Variants in TMEM120B observed in about 807,000 individuals in gnomAD.
TMEM120B encodes transmembrane protein 120B.
A neutral mutation model predicts 55.5 loss-of-function variants in TMEM120B; 31 were observed. The ratio of observed to expected loss-of-function variants is 0.56; its 90% CI spans 0.42 to 0.75. The LOEUF (loss-of-function observed/expected upper bound fraction) is 0.75. Ranked by LOEUF, TMEM120B falls within the 30% of genes least tolerant of loss-of-function variation. TMEM120B has a pLI of 0.00. For missense variants in TMEM120B, 399 were observed against 425.5 expected (o/e 0.94, Z 0.55); for synonymous variants, 203 against 176.3 (o/e 1.15, Z -1.20).
At chr12:121,738,870 G>C (rs1872833582) in intron 1 of TMEM120B, among the ~76,000 whole-genome samples, 1 of 152,092 alleles carries the variant, frequency 6.6e-6, no homozygotes, top group Non-Finnish European at 1.5e-5. Context: ...CATTCTTCCA[G>C]ACAACTGGAC....
chr12:121,769,667 C>T (rs990179319), intron 6 of TMEM120B, among the ~76,000 whole-genome samples: 8 of 151,860 alleles, frequency 5.3e-5, no homozygotes, highest in African/African-American at 1.9e-4. Flanking sequence ...TGCACCACTG[C>T]ACTCCAGACA....
At chr12:121,729,239 T>C (rs1402953393) in intron 1 of TMEM120B, among the ~76,000 whole-genome samples, 6 of 152,220 alleles carry the variant, frequency 3.9e-5, no homozygotes, top group Admixed American at 1.3e-4. Flanking sequence ...CTTGGAGGCT[T>C]GCAGTGCCTC....
intron 5 of TMEM120B, among the ~76,000 whole-genome samples, chr12:121,754,862 G>A (rs778096379): frequency 6.6e-6 from 1 of 152,154 alleles, no homozygotes; most frequent in East Asian, 1.9e-4. Context: ...TGGACGGGCC[G>A]TTCATCTCTG....
At chr12:121,769,494 C>T (rs567855769) in intron 6 of TMEM120B, among the ~76,000 whole-genome samples, 1 of 152,174 alleles carries the variant, frequency 6.6e-6, no homozygotes, top group South Asian at 2.1e-4. Flanking sequence ...TTGCTTGAGC[C>T]CAGGAATTTG....
At chr12:121,755,383 TTTGGAGGCTTTGGTGAGGCAGCAGGAGAG>T (rs1417043712) in intron 5 of TMEM120B, among the ~76,000 whole-genome samples, 2 of 152,126 alleles carry the variant, frequency 1.3e-5, no homozygotes, top group Non-Finnish European at 2.9e-5. Flanking sequence ...TCCTTGGGCG[TTTGGAGGCTTTGGTGAGGCAGCAGGAGAG>T]TTGGAAGCCT....
chr12:121,768,181 T>A (rs914046170), intron 6 of TMEM120B, among the ~76,000 whole-genome samples: 3 of 152,172 alleles, frequency 2.0e-5, no homozygotes, highest in African/African-American at 7.2e-5. Context: ...CATCTCACCC[T>A]GTCCCCATGA....
At chr12:121,752,031 G>A in intron 4 of TMEM120B, 97 bp from the exon 5 acceptor site, 1 of 989,440 alleles carries the variant, frequency 1.0e-6, no homozygotes, top group Non-Finnish European at 1.6e-6. Context: ...CCATGGCAGT[G>A]GCTGAAGGAC....
chr12:121,776,921 G>A lies in TMEM120B; in HGVS notation c.*1199G>A, dbSNP rs1874266660. 6.6e-6 allele frequency: 1 copy of A among 151,314 alleles called. No individual in the cohort carries two copies. The highest frequency in any genetic ancestry group is 2.1e-4 in the South Asian group (1 of 4,792). The allele number at this position is 151,314 out of a possible 1,614,324, so 9.4% of individuals were successfully genotyped here. A position where few individuals can be genotyped will look rare whatever the true frequency, so the allele number is the denominator to read the frequency against. ...TCCCACCTCAGCCTCTGGAGTAGCT[G>A]GGACCACAATCACACACCACCATGC... On this transcript the variant is annotated 3_prime_UTR_variant, in exon 12 of 12. Coordinates refer to ENST00000449592, the MANE Select transcript of TMEM120B (RefSeq NM_001080825.2).
intron 5 of TMEM120B, among the ~76,000 whole-genome samples, chr12:121,760,378 CCTGGGGT>C (rs58924969): frequency 0.085 from 12,993 of 152,088 alleles, 989 homozygotes; most frequent in African/African-American, 0.2. Context: ...TGCCCTTTGA[CCTGGGGT>C]CTTATATGCT....
intron 1 of TMEM120B, among the ~76,000 whole-genome samples, chr12:121,733,409 T>G (rs1286105919): frequency 6.6e-6 from 1 of 151,896 alleles, no homozygotes; most frequent in Non-Finnish European, 1.5e-5. Flanking sequence ...CATGCCTGGC[T>G]AATTTTTTGT....
chr12:121,718,430 C>T lies in TMEM120B; in HGVS notation c.69+5466C>T, dbSNP rs535648382. Among the ~76,000 whole-genome samples the T allele has an allele frequency of 4.6e-5, 7 of 152,272 alleles. No individual in the cohort carries two copies. The South Asian group carries it at 1.2e-3, about 27-fold the overall frequency. The stretch of plus-strand genomic sequence containing the variant: ...CTGAGGCTGAAGAATCGCTTGAACC[C>T]AGAAGGCGGAGGTTGCAGTGAGCCA... On this transcript the variant is annotated intron_variant, in intron 1 of 11. Coordinates refer to ENST00000449592, the MANE Select transcript of TMEM120B (RefSeq NM_001080825.2).
At chr12:121,723,964 T>C (rs1440932889) in intron 1 of TMEM120B, among the ~76,000 whole-genome samples, 1 of 151,562 alleles carries the variant, frequency 6.6e-6, no homozygotes, top group Non-Finnish European at 1.5e-5. Flanking sequence ...CCATGCCAGT[T>C]ATAATTAAAT....
At chr12:121,721,323 C>T (rs1018690530) in intron 1 of TMEM120B, among the ~76,000 whole-genome samples, 1 of 152,074 alleles carries the variant, frequency 6.6e-6, no homozygotes, top group Non-Finnish European at 1.5e-5. Context: ...GGACTACAGG[C>T]ACACACCACC....
Position 121,779,194 on chromosome 12 carries a change from C to T in TMEM120B, c.*3472C>T. Reference sequence around the variant, plus strand: ...ATAGACTTTTTCATTTCAAGCATAACTTGAGTCTGCACTGGGGAGACACTC... The same window carrying T: ...ATAGACTTTTTCATTTCAAGCATAATTTGAGTCTGCACTGGGGAGACACTC... On this transcript the variant is annotated 3_prime_UTR_variant, in exon 12 of 12. Transcript: ENST00000449592. The T allele has an allele frequency of 2.4e-6, 1 of 410,932 alleles. No individual in the cohort carries two copies. Among genetic ancestry groups the T allele is most frequent in the Non-Finnish European group, 4.5e-6 (1 of 221,372 alleles). The allele number at this position is 410,932 out of a possible 1,614,324, so 25.5% of individuals were successfully genotyped here.
At chr12:121,735,330 A>G (rs1393922228) in intron 1 of TMEM120B, among the ~76,000 whole-genome samples, 4 of 152,196 alleles carry the variant, frequency 2.6e-5, no homozygotes, top group Non-Finnish European at 5.9e-5. Flanking sequence ...CTGTATAAAA[A>G]CAAACATTAA....
At chr12:121,743,820 A>G in intron 2 of TMEM120B, 73 bp downstream of exon 2, 1 of 1,107,850 alleles carries the variant, frequency 9.0e-7, no homozygotes, top group Non-Finnish European at 1.4e-6. Flanking sequence ...AGGCTGAAGC[A>G]GAGAATGGAA....
rs1874289803 is a variant in TMEM120B, at chr12:121,777,706, C to G, written c.*1984C>G. 1.3e-5 allele frequency: 2 copies of G among 152,220 alleles called. No homozygotes were observed. Among genetic ancestry groups the G allele is most frequent in the Admixed American group, 1.3e-4 (2 of 15,284 alleles). 9.4% of individuals were successfully genotyped at this position (152,220 alleles called of 1,614,324 possible). ...GGCCAGGTGGTTTGTGGCAGCTACTCTTCACCTGCAGCCCCAGAGCACAAG... is the reference window on the plus strand; with the variant it reads ...GGCCAGGTGGTTTGTGGCAGCTACTGTTCACCTGCAGCCCCAGAGCACAAG... On this transcript the variant is annotated 3_prime_UTR_variant, in exon 12 of 12. Coordinates refer to ENST00000449592, the MANE Select transcript of TMEM120B (RefSeq NM_001080825.2).
intron 1 of TMEM120B, among the ~76,000 whole-genome samples, chr12:121,715,770 C>T (rs1894689247): frequency 6.6e-6 from 1 of 151,976 alleles, no homozygotes; most frequent in Admixed American, 6.6e-5. Context: ...GATGAGGAAA[C>T]TGAAGCTTGG....
intron 1 of TMEM120B, among the ~76,000 whole-genome samples, chr12:121,718,986 G>C (rs555533781): frequency 6.6e-6 from 1 of 152,246 alleles, no homozygotes; most frequent in East Asian, 1.9e-4. Context: ...GCTGACATCT[G>C]TCAGCTTAGC....
Sources: gnomAD v4.1 joint callset for allele counts (sites outside exome capture counted in the v4.1 genomes callset) on GRCh38, gnomAD v4.1.1 for gene constraint, MANE v1.5 for transcripts, NCBI Gene and HGNC (gene_info 2026-07-23, HGNC 2026-07-21) for gene names.